DMXL2: variants seen among roughly 807,000 people sequenced by gnomAD.
DMXL2 encodes Dmx like 2, also known as dmX-like protein 2.
Under a neutral mutation model 331.1 loss-of-function variants are expected in DMXL2, and 103 were observed. The ratio of observed to expected loss-of-function variants is 0.31; its 90% CI spans 0.27 to 0.37. DMXL2 has a LOEUF of 0.37. Among genes scored for constraint, DMXL2 ranks in the 10% least tolerant of loss-of-function variants. The pLI is 1.00. For synonymous variants in DMXL2, 1,281 were observed against 1,252.1 expected (o/e 1.02, Z -0.49); for missense variants, 3,171 against 3,642.9 (o/e 0.87, Z 3.33).
chr15:51,481,907 TA>T (rs1437804647), intron 23 of DMXL2, among the ~76,000 whole-genome samples: 2 of 152,180 alleles, frequency 1.3e-5, no homozygotes, highest in Non-Finnish European at 2.9e-5. Flanking sequence ...TTTATCTATC[TA>T]AGACAGTGAA....
rs187256523 is a variant in DMXL2 at position 51,563,297 on chromosome 15, G to A, written c.567+84C>T. The A allele has an allele frequency of 6.8e-3, 7,889 of 1,158,334 alleles. 41 individuals are homozygous for A. The highest frequency in any genetic ancestry group is 8.5e-3 in the Non-Finnish European group (6,988 of 818,466). The allele number at this position is 1,158,334 out of a possible 1,614,324, so 71.8% of individuals were successfully genotyped here. ...GGAGGATTATCCCAGTTTTACAGAT[G>A]AGAAAACTGAAAATAAAAATAAATA... On this transcript the variant is annotated intron_variant, in intron 6 of 43. Transcript: ENST00000560891.
At chr15:51,454,643 C>T (rs946277799) in intron 40 of DMXL2, among the ~76,000 whole-genome samples, 11 of 152,108 alleles carry the variant, frequency 7.2e-5, no homozygotes, top group African/African-American at 2.4e-4. Flanking sequence ...ACTTCATGCA[C>T]GTGTCACCAT....
chr15:51,513,351 A>C (rs1369224600), intron 15 of DMXL2, among the ~76,000 whole-genome samples: 1 of 152,228 alleles, frequency 6.6e-6, no homozygotes, highest in Admixed American at 6.5e-5. Flanking sequence ...CAAAGGTAAG[A>C]TACTACAGAA....
chr15:51,540,623 G>A (rs538846922), intron 9 of DMXL2, among the ~76,000 whole-genome samples: 1 of 151,880 alleles, frequency 6.6e-6, no homozygotes, highest in South Asian at 2.1e-4. Flanking sequence ...CAACTTTCTT[G>A]TAGTTTCAAA....
In DMXL2 at chr15:51,598,462, T is replaced by C. The variant is rs915253305; in HGVS notation, c.88-22281A>G. On this transcript the variant is annotated intron_variant, in intron 1 of 43. Coordinates refer to ENST00000560891, the MANE Select transcript of DMXL2 (RefSeq NM_001378457.1). ...GATACTGATAAAATACTATTATCTA[T>C]AGAGCTTAGATTTCTTGAACTGCTG... Among the ~76,000 whole-genome samples the C allele has an allele frequency of 7.2e-5, 11 of 152,218 alleles. 1 individual carries two copies. Among genetic ancestry groups the C allele is most frequent in the South Asian group, 6.2e-4 (3 of 4,838 alleles).
chr15:51,517,226 G>T, intron 13 of DMXL2, 59 bp from the exon 14 acceptor site: 2 of 1,286,642 alleles, frequency 1.6e-6, no homozygotes, highest in Non-Finnish European at 2.3e-6. Flanking sequence ...ATGTCAATAT[G>T]ATACAGCATC....
At chr15:51,607,348 CG>C (rs997492565) in intron 1 of DMXL2, among the ~76,000 whole-genome samples, 8 of 152,072 alleles carry the variant, frequency 5.3e-5, no homozygotes, top group African/African-American at 1.7e-4. Context: ...CCCAGCTACT[CG>C]GGAGGCTGAG....
chr15:51,547,593 G>C (rs1176355684), intron 6 of DMXL2, among the ~76,000 whole-genome samples, 185 bp from the exon 7 acceptor site: 1 of 152,022 alleles, frequency 6.6e-6, no homozygotes, highest in African/African-American at 2.4e-5. Flanking sequence ...TAAATGAACA[G>C]TCTATTCATT....
At chr15:51,513,795 A>G (rs1458672656) in intron 15 of DMXL2, among the ~76,000 whole-genome samples, 1 of 152,202 alleles carries the variant, frequency 6.6e-6, no homozygotes, top group African/African-American at 2.4e-5. Context: ...TTTTATAATT[A>G]TGAAGTTATA....
At chr15:51,492,927 T>C (rs1301233502) in intron 19 of DMXL2, among the ~76,000 whole-genome samples, 1 of 152,226 alleles carries the variant, frequency 6.6e-6, no homozygotes. Context: ...TTTCTAATAA[T>C]TACTGCTTCA....
intron 6 of DMXL2, among the ~76,000 whole-genome samples, chr15:51,554,252 AG>A (rs1210311237): frequency 1.3e-5 from 2 of 152,242 alleles, no homozygotes; most frequent in African/African-American, 4.8e-5. Flanking sequence ...GTTAAGTCAA[AG>A]GAATGACTGG....
intron 18 of DMXL2, 66 bp downstream of exon 18, chr15:51,498,486 A>G: frequency 6.8e-7 from 1 of 1,462,338 alleles, no homozygotes; most frequent in Non-Finnish European, 9.2e-7. Flanking sequence ...TAAATGAGTC[A>G]GTATAGAGAT....
chr15:51,554,420 G>T (rs1015831763), intron 6 of DMXL2, among the ~76,000 whole-genome samples: 2 of 152,082 alleles, frequency 1.3e-5, no homozygotes, highest in Non-Finnish European at 2.9e-5. Context: ...TAGAGATCAA[G>T]ACATGAATTA....
chr15:51,448,998 G>T lies in DMXL2; in HGVS notation c.9163C>A (p.Leu3055Ile). 6.2e-7 allele frequency: 1 copy of T among 1,614,030 alleles called. No individual in the cohort carries two copies. The highest frequency in any genetic ancestry group is 8.5e-7 in the Non-Finnish European group (1 of 1,179,988). The change falls in exon 44 of 44, where the codon CTT becomes ATT. Residue 3055 changes from leucine (L) to isoleucine (I), a missense_variant. Physicochemically the swap from Leu to Ile is conservative, Grantham distance 5. Around this residue, in one of 7 missense-constraint regions of DMXL2, gnomAD observed 766 missense variants for 940.5 expected, o/e 0.81. Coordinates refer to ENST00000560891, the MANE Select transcript of DMXL2 (RefSeq NM_001378457.1). The stretch of plus-strand genomic sequence containing the variant: ...AACCCCAATCTTTATAGAATGTCAA[G>T]AATTCTGTTAGGGATGTTAAAAGCA... ...PNAFNIPNRILDIL is the reference protein window; with the variant it reads ...PNAFNIPNRIIDIL
intron 1 of DMXL2, among the ~76,000 whole-genome samples, chr15:51,585,324 A>C (rs2051722697): frequency 6.8e-6 from 1 of 147,596 alleles, no homozygotes; most frequent in Admixed American, 6.8e-5. Context: ...ATTTATTGAG[A>C]GTTTTTAGCA....
chr15:51,501,225 A>C (rs2043576594), intron 17 of DMXL2, among the ~76,000 whole-genome samples: 1 of 152,206 alleles, frequency 6.6e-6, no homozygotes, highest in Non-Finnish European at 1.5e-5. Context: ...CGGATGAATA[A>C]GAAAACACCT....
chr15:51,542,694 G>C (rs539894870), intron 8 of DMXL2, among the ~76,000 whole-genome samples, 187 bp from the exon 9 acceptor site: 7 of 152,114 alleles, frequency 4.6e-5, no homozygotes, highest in African/African-American at 1.7e-4. Context: ...TAAACTTTTA[G>C]TTCAAGGCAA....
intron 16 of DMXL2, among the ~76,000 whole-genome samples, chr15:51,506,090 T>C (rs1051322992): frequency 3.3e-5 from 5 of 152,192 alleles, no homozygotes; most frequent in Admixed American, 6.6e-5. Context: ...AATGGAAAAA[T>C]TGACAAGGGT....
At chr15:51,595,157 T>C (rs541384013) in intron 1 of DMXL2, among the ~76,000 whole-genome samples, 2,825 of 152,306 alleles carry the variant, frequency 0.019, 69 homozygotes, top group African/African-American at 0.064. Context: ...GACATGATTG[T>C]ATATCCAGAA....
Sources: allele counts gnomAD v4.1 joint callset (sites outside exome capture counted in the v4.1 genomes callset), GRCh38; gene constraint gnomAD v4.1.1; regional missense constraint gnomAD v4.1.1; transcripts MANE v1.5; gene names NCBI Gene and HGNC (gene_info 2026-07-23, HGNC 2026-07-21).